Variants in ST3GAL3 observed in about 807,000 individuals in gnomAD.
The protein encoded by ST3GAL3 is CMP-N-acetylneuraminate-beta-1,4-galactoside alpha-2,3-sialyltransferase.
A neutral mutation model predicts 50.1 loss-of-function variants in ST3GAL3; 21 were observed. That is an observed-to-expected ratio of 0.42 (90% CI 0.30 to 0.60). The LOEUF (loss-of-function observed/expected upper bound fraction) is 0.60. Among genes scored for constraint, ST3GAL3 ranks in the 20% least tolerant of loss-of-function variants. The probability of loss-of-function intolerance (pLI) is 0.19; values close to 1 mark genes in which losing one functional copy is unlikely to be tolerated. For synonymous variants in ST3GAL3, 183 were observed against 190.0 expected (o/e 0.96, Z 0.30); for missense variants, 353 against 489.4 (o/e 0.72, Z 2.63).
At chr1:43,733,776 C>A (rs758966397) in intron 1 of ST3GAL3, among the ~76,000 whole-genome samples, 1 of 152,218 alleles carries the variant, frequency 6.6e-6, no homozygotes, top group Non-Finnish European at 1.5e-5. Flanking sequence ...ATAGAAAACT[C>A]ACATTTCAGG....
chr1:43,782,322 T>C (rs764735426), intron 2 of ST3GAL3, among the ~76,000 whole-genome samples: 4 of 152,194 alleles, frequency 2.6e-5, no homozygotes, highest in Non-Finnish European at 5.9e-5. Flanking sequence ...CGTGAGACCC[T>C]CATTGTCTGT....
rs537766772 is a variant in ST3GAL3 at position 43,930,564 on chromosome 1, G to C, written c.*343G>C. ...ATTATCATTTTGTGAATTTGGGTAG[G>C]GGGGAGGGTAGGGATAATTTATTTT... On this transcript the variant is annotated 3_prime_UTR_variant, in exon 12 of 12. Transcript: ENST00000347631. The C allele has an allele frequency of 1.9e-5, 8 of 416,440 alleles. No individual in the cohort carries two copies. Among genetic ancestry groups the C allele is most frequent in the South Asian group, 1.4e-4 (6 of 44,048 alleles). 25.8% of individuals were successfully genotyped at this position (416,440 alleles called of 1,614,324 possible).
At chr1:43,724,661 A>G (rs72678654) in intron 1 of ST3GAL3, among the ~76,000 whole-genome samples, 6 of 152,298 alleles carry the variant, frequency 3.9e-5, no homozygotes, top group South Asian at 2.1e-4. Flanking sequence ...TCTAAATGCT[A>G]TGATGGAGGT....
intron 2 of ST3GAL3, among the ~76,000 whole-genome samples, chr1:43,775,426 G>A (rs191544961): frequency 3.4e-4 from 52 of 152,164 alleles, no homozygotes; most frequent in African/African-American, 1.2e-3. Flanking sequence ...TAGAGATGGA[G>A]TTTCGCCATG....
intron 9 of ST3GAL3, among the ~76,000 whole-genome samples, chr1:43,905,026 T>C (rs527982917): frequency 9.3e-5 from 10 of 107,500 alleles, no homozygotes; most frequent in Admixed American, 1.9e-4. Flanking sequence ...CCACTCTTCC[T>C]CCTCCTCCCC....
intron 5 of ST3GAL3, among the ~76,000 whole-genome samples, chr1:43,856,461 A>T (rs2068402548): frequency 6.6e-6 from 1 of 152,180 alleles, no homozygotes; most frequent in East Asian, 1.9e-4. Flanking sequence ...TGAACCATGG[A>T]CCTAGAGGGG....
chr1:43,824,253 C>A (rs2062474469), intron 4 of ST3GAL3, among the ~76,000 whole-genome samples: 1 of 151,744 alleles, frequency 6.6e-6, no homozygotes. Flanking sequence ...GTCAGGTGGC[C>A]CCTTCCTTTA....
At chr1:43,765,796 CGCGCGT>C (rs1692601981) in intron 2 of ST3GAL3, among the ~76,000 whole-genome samples, 1 of 145,810 alleles carries the variant, frequency 6.9e-6, no homozygotes, top group Admixed American at 6.7e-5. Flanking sequence ...CGCGCGCGCG[CGCGCGT>C]CCGCGCGTCC....
At chr1:43,754,417 C>T (rs141221229) in intron 2 of ST3GAL3, among the ~76,000 whole-genome samples, 228 of 152,300 alleles carry the variant, frequency 1.5e-3, no homozygotes, top group African/African-American at 5.2e-3. Flanking sequence ...GTCTCTAACT[C>T]CTGACCTCAA....
intron 5 of ST3GAL3, among the ~76,000 whole-genome samples, chr1:43,851,884 C>T (rs1207284953): frequency 6.6e-6 from 1 of 152,226 alleles, no homozygotes; most frequent in Non-Finnish European, 1.5e-5. Flanking sequence ...GCACCAACCC[C>T]AAATCCCAAA....
intron 2 of ST3GAL3, among the ~76,000 whole-genome samples, chr1:43,754,480 C>G (rs1416442726): frequency 6.6e-6 from 1 of 152,152 alleles, no homozygotes; most frequent in Non-Finnish European, 1.5e-5. Flanking sequence ...GCATGAGCCA[C>G]CACGCCAGCA....
chr1:43,892,407 T>C (rs1006646347), intron 5 of ST3GAL3, among the ~76,000 whole-genome samples: 4 of 152,158 alleles, frequency 2.6e-5, no homozygotes, highest in African/African-American at 4.8e-5. Context: ...ACAGTCTCTG[T>C]ATAGCAGGAG....
chr1:43,812,777 A>C (rs1262121818), intron 3 of ST3GAL3, among the ~76,000 whole-genome samples: 1 of 152,142 alleles, frequency 6.6e-6, no homozygotes, highest in Non-Finnish European at 1.5e-5. Context: ...CATGTCTCTT[A>C]ATGAAAGAGA....
chr1:43,874,367 T>C (rs1003712818), intron 5 of ST3GAL3, among the ~76,000 whole-genome samples: 8 of 152,152 alleles, frequency 5.3e-5, no homozygotes, highest in African/African-American at 1.9e-4. Context: ...GACAGGCAAA[T>C]GTAGATAACT....
At chr1:43,902,760 G>T (rs534449186) in intron 9 of ST3GAL3, among the ~76,000 whole-genome samples, 3 of 152,168 alleles carry the variant, frequency 2.0e-5, no homozygotes, top group African/African-American at 7.2e-5. Context: ...CTCCAGCTCC[G>T]GTGCAGGTCT....
intron 5 of ST3GAL3, among the ~76,000 whole-genome samples, chr1:43,892,018 A>G (rs2076753180): frequency 6.6e-6 from 1 of 152,160 alleles, no homozygotes; most frequent in Non-Finnish European, 1.5e-5. Context: ...ATCTCAGCTC[A>G]CTGCAACCTC....
rs1355544171 is a variant in ST3GAL3 at position 43,930,403 on chromosome 1, C to T, written c.*182C>T. ...GCCAGTCTCAGAGACCAGCACTCAG[C>T]CTCATTCAGCATGGGTCCTTGATGC... is the stretch of plus-strand genomic sequence containing the variant. On this transcript the variant is annotated 3_prime_UTR_variant, in exon 12 of 12. Transcript: ENST00000347631. The T allele has an allele frequency of 4.5e-6, 3 of 667,730 alleles. No individual in the cohort carries two copies. The highest frequency in any genetic ancestry group is 8.1e-6 in the Non-Finnish European group (3 of 369,986). 41.4% of individuals were successfully genotyped at this position (667,730 alleles called of 1,614,324 possible).
chr1:43,799,358 T>A (rs1341936283), intron 3 of ST3GAL3, among the ~76,000 whole-genome samples: 1 of 152,218 alleles, frequency 6.6e-6, no homozygotes, highest in Non-Finnish European at 1.5e-5. Context: ...ATTGTCGTAG[T>A]CTCTTTGGGC....
chr1:43,729,326 T>C (rs533792602), intron 1 of ST3GAL3, among the ~76,000 whole-genome samples: 3 of 152,226 alleles, frequency 2.0e-5, no homozygotes, highest in Non-Finnish European at 4.4e-5. Flanking sequence ...GTGATCCTTA[T>C]TCCTTGGCCT....
Sources: gnomAD v4.1 joint callset for allele counts (sites outside exome capture counted in the v4.1 genomes callset) on GRCh38, gnomAD v4.1.1 for gene constraint, MANE v1.5 for transcripts, NCBI Gene and HGNC (gene_info 2026-07-23, HGNC 2026-07-21) for gene names.